Variants in RAPGEF5 observed in about 807,000 individuals in gnomAD.
The protein encoded by RAPGEF5 is M-Ras-regulated GEF.
Under a neutral mutation model 125.2 loss-of-function variants are expected in RAPGEF5, and 65 were observed. The observed-to-expected ratio is 0.52, with a 90% CI of 0.43 to 0.64. RAPGEF5 has a LOEUF of 0.64. Ranked by LOEUF, RAPGEF5 falls within the 30% of genes least tolerant of loss-of-function variation. The probability of loss-of-function intolerance (pLI) is 0.00; values close to 1 mark genes in which losing one functional copy is unlikely to be tolerated. For missense variants in RAPGEF5, 958 were observed against 1,048.1 expected (o/e 0.91, Z 1.19); for synonymous variants, 391 against 385.9 (o/e 1.01, Z -0.16).
intron 7 of RAPGEF5, among the ~76,000 whole-genome samples, chr7:22,250,957 A>G (rs1786603661): frequency 6.6e-6 from 1 of 152,144 alleles, no homozygotes; most frequent in Admixed American, 6.5e-5. Flanking sequence ...TAGGAGTCAA[A>G]TTTCCTGGCC....
chr7:22,286,062 C>G (rs1782788678), intron 6 of RAPGEF5, among the ~76,000 whole-genome samples: 1 of 152,308 alleles, frequency 6.6e-6, no homozygotes, highest in Non-Finnish European at 1.5e-5. Context: ...TTCCTAAATT[C>G]TGAACACCCA....
intron 13 of RAPGEF5, among the ~76,000 whole-genome samples, chr7:22,161,887 AT>A (rs1413931582): frequency 6.6e-6 from 1 of 152,208 alleles, no homozygotes; most frequent in African/African-American, 2.4e-5. Context: ...ATCTCTCCAG[AT>A]AATCATCTGT....
chr7:22,268,752 C>T (rs970537698), intron 6 of RAPGEF5, among the ~76,000 whole-genome samples: 4 of 152,194 alleles, frequency 2.6e-5, no homozygotes, highest in Non-Finnish European at 5.9e-5. Context: ...TCTCCAGCTT[C>T]CTCTTTTAAT....
chr7:22,333,660 A>C (rs1245092352), intron 1 of RAPGEF5, among the ~76,000 whole-genome samples: 1 of 152,246 alleles, frequency 6.6e-6, no homozygotes, highest in East Asian at 1.9e-4. Flanking sequence ...GTCAAGGAAT[A>C]GGCTGAGGCA....
intron 7 of RAPGEF5, among the ~76,000 whole-genome samples, chr7:22,232,323 T>C (rs1786079446): frequency 6.6e-6 from 1 of 151,728 alleles, no homozygotes; most frequent in African/African-American, 2.4e-5. Context: ...GCTTTTTTTT[T>C]TTTTTTTTGA....
At chr7:22,191,407 T>C (rs1784992856) in intron 11 of RAPGEF5, 2 of 353,762 alleles carry the variant, frequency 5.7e-6, no homozygotes, top group South Asian at 4.5e-5. Flanking sequence ...AATCTTTCTT[T>C]GGTGAAAGTT....
At chr7:22,324,414 G>A (rs62447097) in intron 1 of RAPGEF5, among the ~76,000 whole-genome samples, 33,090 of 152,030 alleles carry the variant, frequency 0.22, 3,664 homozygotes, top group Admixed American at 0.24. Context: ...GAACTTAGCA[G>A]GACACATGGC....
At chr7:22,163,839 A>G (rs6971344) in intron 12 of RAPGEF5, among the ~76,000 whole-genome samples, 148,699 of 152,294 alleles carry the variant, frequency 0.98, 72,602 homozygotes, top group East Asian at 0.99. Flanking sequence ...CTTTAACACT[A>G]ATATACAATT....
chr7:22,125,631 G>C lies in RAPGEF5; in HGVS notation c.2509C>G (p.Leu837Val), dbSNP rs771045363. 6.2e-7 allele frequency: 1 copy of C among 1,612,468 alleles called. No homozygotes were observed. Among genetic ancestry groups the C allele is most frequent in the African/African-American group, 1.3e-5 (1 of 74,868 alleles). ...LHMIADTVRT[L>V]RHCRTNQFGD... is the part of the protein sequence containing the mutation. ...AACTGGTTAGTCCTGCAGTGTCTCA[G>C]GGTTCGGACAGTGTCTGCGATCATA... Residue 837 changes from leucine to valine, a missense_variant, in exon 25 of 26, where the codon CTG becomes GTG. Leu to Val is a conservative substitution (Grantham distance 32). Transcript: ENST00000665637.
At chr7:22,270,425 CAAT>C (rs1312845442) in intron 6 of RAPGEF5, among the ~76,000 whole-genome samples, 1 of 152,192 alleles carries the variant, frequency 6.6e-6, no homozygotes, top group Non-Finnish European at 1.5e-5. Context: ...TTTTATAAGA[CAAT>C]GATGATTTTT....
intron 7 of RAPGEF5, among the ~76,000 whole-genome samples, chr7:22,252,079 C>A (rs142093264): frequency 6.6e-6 from 1 of 152,128 alleles, no homozygotes; most frequent in South Asian, 2.1e-4. Flanking sequence ...AACTAGAAAA[C>A]TTGATTCTCT....
chr7:22,203,087 A>C (rs947001483), intron 9 of RAPGEF5, among the ~76,000 whole-genome samples: 4 of 152,154 alleles, frequency 2.6e-5, no homozygotes, highest in Non-Finnish European at 4.4e-5. Flanking sequence ...ATAACATAAA[A>C]TTTTTTCCAC....
intron 6 of RAPGEF5, among the ~76,000 whole-genome samples, chr7:22,285,979 C>CACCCATGGAA (rs1443169645): frequency 6.6e-6 from 1 of 152,168 alleles, no homozygotes. Context: ...TGTCATGGAA[C>CACCCATGGAA]ACAAGGGTGT....
At chr7:22,281,158 T>C (rs1401338270) in intron 6 of RAPGEF5, among the ~76,000 whole-genome samples, 1 of 152,218 alleles carries the variant, frequency 6.6e-6, no homozygotes, top group Non-Finnish European at 1.5e-5. Flanking sequence ...ATTCTTTTAA[T>C]TGCCATGGGT....
intron 11 of RAPGEF5, among the ~76,000 whole-genome samples, chr7:22,186,554 T>C (rs116662621): frequency 0.018 from 2,774 of 152,296 alleles, 83 homozygotes; most frequent in African/African-American, 0.063. Context: ...TTCCCTCCAA[T>C]AGAATATAAG....
chr7:22,244,745 G>A (rs1786432803), intron 7 of RAPGEF5, among the ~76,000 whole-genome samples: 2 of 152,076 alleles, frequency 1.3e-5, no homozygotes, highest in African/African-American at 2.4e-5. Context: ...CATGAAACAG[G>A]TCCCTGGTGC....
Position 22,145,034 on chromosome 7 carries a change from A to G in RAPGEF5, c.2186+10T>C. 1 of 1,611,712 alleles carries G rather than the reference A, an allele frequency of 6.2e-7. No individual in the cohort carries two copies. Among genetic ancestry groups the G allele is most frequent in the Non-Finnish European group, 8.5e-7 (1 of 1,178,512 alleles). ...CTAGAGGAATGGCACTTCTCACACTAGAAACTTACTGAGCCGCAATTTTGA... is the reference window on the plus strand; with the variant it reads ...CTAGAGGAATGGCACTTCTCACACTGGAAACTTACTGAGCCGCAATTTTGA... On this transcript the variant is annotated intron_variant, in intron 20 of 25. Coordinates refer to ENST00000665637, the MANE Select transcript of RAPGEF5 (RefSeq NM_012294.5).
chr7:22,246,818 C>A (rs1786489189), intron 7 of RAPGEF5, among the ~76,000 whole-genome samples: 1 of 152,088 alleles, frequency 6.6e-6, no homozygotes, highest in Non-Finnish European at 1.5e-5. Context: ...AAAATATTTG[C>A]AAACAGTGCA....
At chr7:22,352,244 A>G (rs1256888674) in intron 1 of RAPGEF5, among the ~76,000 whole-genome samples, 1 of 152,246 alleles carries the variant, frequency 6.6e-6, no homozygotes, top group Non-Finnish European at 1.5e-5. Flanking sequence ...AAAAGGGAAT[A>G]GCTGTTATCA....
Sources: gnomAD v4.1 joint callset for allele counts (sites outside exome capture counted in the v4.1 genomes callset) on GRCh38, gnomAD v4.1.1 for gene constraint, MANE v1.5 for transcripts, NCBI Gene and HGNC (gene_info 2026-07-23, HGNC 2026-07-21) for gene names.